The following HEXD variants were observed in gnomAD, a reference collection of about 807,000 sequenced individuals.
HEXD encodes the protein hexosaminidase D.
Under a neutral mutation model 54.2 loss-of-function variants are expected in HEXD, and 47 were observed. The ratio of observed to expected loss-of-function variants is 0.87; its 90% CI spans 0.69 to 1.11. HEXD has a LOEUF of 1.11. Ranked by LOEUF, HEXD falls within the 50% of genes least tolerant of loss-of-function variation. The pLI is 0.00. For missense variants in HEXD, 576 were observed against 649.2 expected (o/e 0.89, Z 1.23); for synonymous variants, 293 against 287.6 (o/e 1.02, Z -0.19).
In HEXD at chr17:82,433,077, GAAAA is replaced by G. The variant is rs71168108; in HGVS notation, c.283-569_283-566del. Among the ~76,000 whole-genome samples, 6 of 7,836 alleles carry G rather than the reference GAAAA, an allele frequency of 7.7e-4. 2 individuals carry two copies. In the South Asian group the frequency reaches 0.029, roughly 38 times the overall value. 5.1% of individuals were successfully genotyped at this position (7,836 alleles called of 152,430 possible). A position where few individuals can be genotyped will look rare whatever the true frequency, so the allele number is the denominator to read the frequency against. On this transcript the variant is annotated intron_variant, in intron 4 of 12. Coordinates refer to ENST00000327949, the MANE Select transcript of HEXD (RefSeq NM_001330542.2). ...CAAGACTCCATCTCAAAAAAAAAAA[GAAAA>G]AAAAAAAAAAATATATATATATATA...
intron 4 of HEXD, among the ~76,000 whole-genome samples, chr17:82,433,126 A>ATTTTTTTTTTT (rs1383900967): frequency 7.4e-5 from 1 of 13,552 alleles, no homozygotes; most frequent in Non-Finnish European, 1.1e-4. Context: ...ATATATATAT[A>ATTTTTTTTTTT]TATTTTTTTT....
Position 82,422,309 on chromosome 17 carries a change from A to G in HEXD, c.85-2085A>G, listed in dbSNP as rs144557043. Among the ~76,000 whole-genome samples the G allele has an allele frequency of 3.5e-3, 529 of 152,322 alleles. 3 individuals carry two copies. Among genetic ancestry groups the G allele is most frequent in the African/African-American group, 0.012 (503 of 41,584 alleles). On this transcript the variant is annotated intron_variant, in intron 2 of 12. Coordinates refer to ENST00000327949, the MANE Select transcript of HEXD (RefSeq NM_001330542.2). ...TAAAAGATACTCAGAAGATGACGGA[A>G]GCTGTGAAAGAACAGCATAAATCAG...
At chr17:82,432,807 T>G (rs1287449208) in intron 4 of HEXD, among the ~76,000 whole-genome samples, 14 of 151,800 alleles carry the variant, frequency 9.2e-5, no homozygotes, top group Admixed American at 9.2e-4. Context: ...CTCACGCCTG[T>G]AATCCCAGCA....
At chr17:82,440,859 C>A in intron 9 of HEXD, 138 bp from the exon 10 acceptor site, 1 of 929,018 alleles carries the variant, frequency 1.1e-6, no homozygotes, top group Non-Finnish European at 1.7e-6. Flanking sequence ...GGGGCCGGCA[C>A]ACGCGGGGCT....
chr17:82,433,139 T>TTTG (rs2053658267), intron 4 of HEXD, among the ~76,000 whole-genome samples: 1 of 36,924 alleles, frequency 2.7e-5, no homozygotes, highest in Non-Finnish European at 4.1e-5. Context: ...TTTTTTTTTT[T>TTTG]TTTTTATATA....
Position 82,442,487 on chromosome 17 carries a change from C to A in HEXD, c.*103C>A. Reference sequence around the variant, plus strand: ...CCCACGTGGGCGTCGTGCCCTCTGGCCCAGCAGTGTCTTGCCCACACTCAG... The same window carrying A: ...CCCACGTGGGCGTCGTGCCCTCTGGACCAGCAGTGTCTTGCCCACACTCAG... On this transcript the variant is annotated 3_prime_UTR_variant, in exon 13 of 13. Coordinates refer to ENST00000327949, the MANE Select transcript of HEXD (RefSeq NM_001330542.2). The surrounding 1 kb of genome is among the most constrained non-coding windows in gnomAD (Gnocchi z 6.8). The A allele has an allele frequency of 6.2e-7, 1 of 1,603,638 alleles. No individual in the cohort carries two copies. Among genetic ancestry groups the A allele is most frequent in the Non-Finnish European group, 8.5e-7 (1 of 1,172,082 alleles).
intron 8 of HEXD, among the ~76,000 whole-genome samples, chr17:82,437,987 A>T (rs1304666917): frequency 6.6e-6 from 1 of 152,182 alleles, no homozygotes; most frequent in Non-Finnish European, 1.5e-5. Context: ...CTGTTATCCC[A>T]GCACTCTGGG....
chr17:82,431,407 C>T lies in HEXD; in HGVS notation c.283-2251C>T, dbSNP rs1287348024. Among the ~76,000 whole-genome samples the T allele has an allele frequency of 2.0e-5, 3 of 151,304 alleles. No individual in the cohort carries two copies. In the South Asian group the frequency reaches 6.3e-4, roughly 32 times the overall value. On this transcript the variant is annotated intron_variant, in intron 4 of 12. Coordinates refer to ENST00000327949, the MANE Select transcript of HEXD (RefSeq NM_001330542.2). Reference sequence around the variant, plus strand: ...AACTTCTGGGCTCAGGTGATCTTCCCGCCTCTGCCTCCCTAAGTGCTAATT... The same window carrying T: ...AACTTCTGGGCTCAGGTGATCTTCCTGCCTCTGCCTCCCTAAGTGCTAATT...
intron 7 of HEXD, 72 bp downstream of exon 7, chr17:82,436,810 C>T: frequency 7.1e-7 from 1 of 1,418,070 alleles, no homozygotes; most frequent in South Asian, 1.2e-5. Flanking sequence ...GCCCTGTGAC[C>T]CTGCAGCCGG....
intron 2 of HEXD, among the ~76,000 whole-genome samples, chr17:82,422,828 G>A (rs999912656): frequency 1.3e-5 from 2 of 152,112 alleles, no homozygotes; most frequent in African/African-American, 4.8e-5. Context: ...AGGCTGAGGA[G>A]GGTGGATCAC....
chr17:82,441,291 T>C, intron 11 of HEXD, 25 bp downstream of exon 11: 1 of 1,486,812 alleles, frequency 6.7e-7, no homozygotes, highest in Non-Finnish European at 9.0e-7. Context: ...TAGGGGCAGG[T>C]GTGGGTGAGG....
intron 6 of HEXD, among the ~76,000 whole-genome samples, chr17:82,436,411 G>A (rs2053766362): frequency 6.6e-6 from 1 of 152,238 alleles, no homozygotes; most frequent in South Asian, 2.1e-4. Flanking sequence ...CCTCCATTCA[G>A]CCGCGTGCTC....
At chr17:82,431,517 A>G (rs113542874) in intron 4 of HEXD, among the ~76,000 whole-genome samples, 2,722 of 149,996 alleles carry the variant, frequency 0.018, 33 homozygotes, top group Admixed American at 0.041. Context: ...CAAACTCCAC[A>G]TTCCAAGTAG....
intron 4 of HEXD, among the ~76,000 whole-genome samples, chr17:82,432,863 A>G (rs1043510940): frequency 6.0e-5 from 9 of 150,526 alleles, no homozygotes; most frequent in African/African-American, 2.2e-4. Flanking sequence ...GGAGATCGAG[A>G]CCATCCTGGC....
chr17:82,433,115 TA>T (rs2053645517), intron 4 of HEXD, among the ~76,000 whole-genome samples: 1 of 14,856 alleles, frequency 6.7e-5, no homozygotes, highest in African/African-American at 7.3e-4. Flanking sequence ...TATATATATA[TA>T]TATATATATA....
At chr17:82,425,224 G>C (rs1439988063) in intron 3 of HEXD, among the ~76,000 whole-genome samples, 1 of 151,488 alleles carries the variant, frequency 6.6e-6, no homozygotes, top group Non-Finnish European at 1.5e-5. Context: ...GGCTGGGCTA[G>C]AGAAGGCCGG....
chr17:82,439,709 A>G lies in HEXD; in HGVS notation c.978A>G (p.Leu326=), dbSNP rs550947970. The G allele has an allele frequency of 6.9e-5, 110 of 1,599,932 alleles. No individual in the cohort carries two copies. In the African/African-American group the frequency reaches 1.2e-3, roughly 17 times the overall value. ...TGGCCGCCTGCCTGCAGTTGCTTCT[A>G]CGCGGTATGTCTGGTCTGGCCACCC... ...PSLAACLQLL[L]RGGFDEDVKA... Residue 326 remains leucine, a synonymous_variant, in exon 9 of 13, where the codon CTA becomes CTG. Transcript: ENST00000327949.
At chr17:82,440,274 G>T in intron 9 of HEXD, 1 of 1,285,374 alleles carries the variant, frequency 7.8e-7, no homozygotes, top group Middle Eastern at 2.7e-4. Context: ...AAGAAAAATG[G>T]CCGAGACGCG....
In HEXD at chr17:82,442,380, CCT is replaced by C. The variant is rs750657104; in HGVS notation, c.1458_1459del (p.Ter487ArgfsTer56). On this transcript the variant is annotated frameshift_variant and stop_lost, in exon 13 of 13. Transcript: ENST00000327949. LOFTEE classifies it high-confidence loss of function. The surrounding 1 kb of genome is among the most constrained non-coding windows in gnomAD (Gnocchi z 6.8). ...CCTGGCAGGGACGTTGCTCAGGACC[CCT>C]GAGGGGAGAGCTCATGCCAGGGGGC... is the stretch of plus-strand genomic sequence containing the variant. 14 of 1,610,058 alleles carry C rather than the reference CCT, an allele frequency of 8.7e-6. No individual in the cohort carries two copies. Among genetic ancestry groups the C allele is most frequent in the African/African-American group, 1.3e-5 (1 of 74,998 alleles).
Sources: gnomAD v4.1 joint callset for allele counts (sites outside exome capture counted in the v4.1 genomes callset) on GRCh38, gnomAD v4.1.1 for gene constraint, Gnocchi (gnomAD v3.1) non-coding constraint, MANE v1.5 for transcripts, NCBI Gene and HGNC (gene_info 2026-07-23, HGNC 2026-07-21) for gene names.